Variants in PRDX6 observed in about 807,000 individuals in gnomAD.
PRDX6 encodes peroxiredoxin 6, also known as peroxiredoxin-6.
Under a neutral mutation model 20.0 loss-of-function variants are expected in PRDX6, and 13 were observed. The ratio of observed to expected loss-of-function variants is 0.65; its 90% CI spans 0.42 to 1.03. PRDX6 has a LOEUF of 1.03. Among genes scored for constraint, PRDX6 ranks in the 50% least tolerant of loss-of-function variants. PRDX6 has a pLI of 0.00. For synonymous variants in PRDX6, 85 were observed against 100.8 expected (o/e 0.84, Z 0.94); for missense variants, 203 against 276.9 (o/e 0.73, Z 1.89).
Position 173,488,095 on chromosome 1 carries a change from A to G in PRDX6, c.*232A>G, listed in dbSNP as rs1658931035. ...TCAGCACTCTGCTGGTTCTGTTTGA[A>G]ATATGTTCTGTATTTAAAACTCAAA... On this transcript the variant is annotated 3_prime_UTR_variant, in exon 5 of 5. Coordinates refer to ENST00000340385, the MANE Select transcript of PRDX6 (RefSeq NM_004905.3). 1 of 494,012 alleles carries G rather than the reference A, an allele frequency of 2.0e-6. No homozygotes were observed. 30.6% of individuals were successfully genotyped at this position (494,012 alleles called of 1,614,324 possible). A position where few individuals can be genotyped will look rare whatever the true frequency, so the allele number is the denominator to read the frequency against.
At chr1:173,481,651 GT>G in intron 2 of PRDX6, 169 bp downstream of exon 2, 1 of 687,120 alleles carries the variant, frequency 1.5e-6, no homozygotes, top group East Asian at 2.8e-5. Flanking sequence ...AAATCCATTG[GT>G]CAGTCAATTC....
intron 1 of PRDX6, among the ~76,000 whole-genome samples, chr1:173,479,942 G>A (rs577266356): frequency 6.6e-6 from 1 of 152,270 alleles, no homozygotes; most frequent in East Asian, 1.9e-4. Flanking sequence ...TCCTTTTAAC[G>A]ATAGAGGAGG....
In PRDX6 at chr1:173,477,351, C is replaced by A. The variant is rs1184134210; in HGVS notation, c.-47C>A. ...GGACAGGCTGCTTCTTCGCCAGAAC[C>A]AACCGGTTGCTTGCTGTCCCAGCGG... On this transcript the variant is annotated 5_prime_UTR_variant, in exon 1 of 5. Transcript: ENST00000340385. 1.3e-6 allele frequency: 2 copies of A among 1,495,782 alleles called. No individual in the cohort carries two copies. Among genetic ancestry groups the A allele is most frequent in the African/African-American group, 1.4e-5 (1 of 70,328 alleles). 92.7% of individuals were successfully genotyped at this position (1,495,782 alleles called of 1,614,324 possible).
At chr1:173,478,870 A>G (rs1267686370) in intron 1 of PRDX6, among the ~76,000 whole-genome samples, 1 of 152,220 alleles carries the variant, frequency 6.6e-6, no homozygotes, top group Non-Finnish European at 1.5e-5. Context: ...TAGGCCAGAA[A>G]AAGGTTGAGA....
chr1:173,484,181 C>CAA lies in PRDX6; in HGVS notation c.253-1179_253-1178insAA, dbSNP rs1220406068. ...ATATATATATATTTATATATATACA[C>CAA]ACACACACACATACATATATATACA... On this transcript the variant is annotated intron_variant, in intron 2 of 4. Coordinates refer to ENST00000340385, the MANE Select transcript of PRDX6 (RefSeq NM_004905.3). Among the ~76,000 whole-genome samples the CAA allele has an allele frequency of 7.6e-4, 105 of 138,676 alleles. 2 individuals are homozygous for CAA. Among genetic ancestry groups the CAA allele is most frequent in the African/African-American group, 2.8e-3 (102 of 36,826 alleles). 91.0% of individuals were successfully genotyped at this position (138,676 alleles called of 152,430 possible). A position where few individuals can be genotyped will look rare whatever the true frequency, so the allele number is the denominator to read the frequency against.
rs995782968 is a variant in PRDX6, at chr1:173,488,549, G to A, written c.*686G>A. ...ATTTGTGATAAGTTTCTATCAAAATGGGGAGATTGCAGAAAAGGCTTCCCT... is the reference window on the plus strand; with the variant it reads ...ATTTGTGATAAGTTTCTATCAAAATAGGGAGATTGCAGAAAAGGCTTCCCT... On this transcript the variant is annotated 3_prime_UTR_variant, in exon 5 of 5. Transcript: ENST00000340385. 6.6e-6 allele frequency: 1 copy of A among 152,190 alleles called. No individual in the cohort carries two copies. Among genetic ancestry groups the A allele is most frequent in the Non-Finnish European group, 1.5e-5 (1 of 68,034 alleles). 9.4% of individuals were successfully genotyped at this position (152,190 alleles called of 1,614,324 possible). A position where few individuals can be genotyped will look rare whatever the true frequency, so the allele number is the denominator to read the frequency against.
intron 1 of PRDX6, 101 bp downstream of exon 1, chr1:173,477,593 C>G: frequency 1.0e-6 from 1 of 971,348 alleles, no homozygotes; most frequent in South Asian, 1.5e-5. Context: ...CCGCTCAGCC[C>G]CCTGCGCCGC....
At chr1:173,478,481 C>G (rs189805724) in intron 1 of PRDX6, among the ~76,000 whole-genome samples, 103 of 152,166 alleles carry the variant, frequency 6.8e-4, no homozygotes, top group Middle Eastern at 6.8e-3. Flanking sequence ...GGCAGTTTTA[C>G]CATTATGGAT....
At chr1:173,485,716 A>C (rs899651262) in intron 3 of PRDX6, among the ~76,000 whole-genome samples, 2 of 151,642 alleles carry the variant, frequency 1.3e-5, no homozygotes, top group Middle Eastern at 3.2e-3. Flanking sequence ...GGAAATCTAC[A>C]AAAAAAAAGT....
intron 1 of PRDX6, among the ~76,000 whole-genome samples, chr1:173,478,108 A>G (rs1464532632): frequency 6.6e-6 from 1 of 152,234 alleles, no homozygotes; most frequent in Non-Finnish European, 1.5e-5. Context: ...AAAATGTGAA[A>G]TTTAAAACCA....
At chr1:173,481,664 C>T (rs112950219) in intron 2 of PRDX6, 182 bp downstream of exon 2, 10,248 of 629,392 alleles carry the variant, frequency 0.016, 151 homozygotes, top group South Asian at 0.033. Flanking sequence ...AGTCAATTCT[C>T]AGCCCTCCTC....
chr1:173,477,602 G>T (rs1045432702), intron 1 of PRDX6, 110 bp downstream of exon 1: 8 of 900,426 alleles, frequency 8.9e-6, no homozygotes, highest in Non-Finnish European at 1.2e-5. Flanking sequence ...CCCCTGCGCC[G>T]CCCTCGCCTT....
chr1:173,485,639 C>T (rs972039383), intron 3 of PRDX6, 132 bp downstream of exon 3: 11 of 833,058 alleles, frequency 1.3e-5, no homozygotes, highest in Non-Finnish European at 1.9e-5. Flanking sequence ...GCGACAATAT[C>T]ACTGATTATC....
At chr1:173,477,520 T>A (rs769772882) in intron 1 of PRDX6, 28 bp downstream of exon 1, 8 of 1,560,136 alleles carry the variant, frequency 5.1e-6, no homozygotes, top group Non-Finnish European at 6.1e-6. Flanking sequence ...AGCCCTGTCC[T>A]GGCCTCGGTT....
intron 2 of PRDX6, among the ~76,000 whole-genome samples, chr1:173,482,874 T>C (rs572463054): frequency 1.3e-5 from 2 of 152,366 alleles, no homozygotes; most frequent in African/African-American, 4.8e-5. Context: ...TTTTTCATTT[T>C]CGTTTTTGCA....
Position 173,488,036 on chromosome 1 carries a change from C to A in PRDX6, c.*173C>A, listed in dbSNP as rs1198068391. ...TAAAAGTTTCTTGAGATTCTTTATA[C>A]TCTCTGCCTTCAGCAATCAATTCCA... On this transcript the variant is annotated 3_prime_UTR_variant, in exon 5 of 5. Coordinates refer to ENST00000340385, the MANE Select transcript of PRDX6 (RefSeq NM_004905.3). 1.2e-5 allele frequency: 8 copies of A among 681,576 alleles called. No individual in the cohort carries two copies. Among genetic ancestry groups the A allele is most frequent in the Admixed American group, 3.0e-5 (1 of 33,598 alleles). The allele number at this position is 681,576 out of a possible 1,614,324, so 42.2% of individuals were successfully genotyped here. A position where few individuals can be genotyped will look rare whatever the true frequency, so the allele number is the denominator to read the frequency against.
chr1:173,477,674 G>T (rs1327969793), intron 1 of PRDX6, among the ~76,000 whole-genome samples, 182 bp downstream of exon 1: 5 of 152,222 alleles, frequency 3.3e-5, no homozygotes, highest in Non-Finnish European at 5.9e-5. Context: ...CGGCTGCGCT[G>T]CTGGGAGCTG....
chr1:173,477,412 G>C lies in PRDX6; in HGVS notation c.15G>C (p.Leu5=). The C allele has an allele frequency of 6.2e-7, 1 of 1,608,706 alleles. No individual in the cohort carries two copies. Among genetic ancestry groups the C allele is most frequent in the Non-Finnish European group, 8.5e-7 (1 of 1,177,860 alleles). The change falls in exon 1 of 5, where the codon CTG becomes CTC. Residue 5 remains leucine, a synonymous_variant. Coordinates refer to ENST00000340385, the MANE Select transcript of PRDX6 (RefSeq NM_004905.3). ...TCACCGTCGCCATGCCCGGAGGTCTGCTTCTCGGGGACGTGGCTCCCAACT... is the reference window on the plus strand; with the variant it reads ...TCACCGTCGCCATGCCCGGAGGTCTCCTTCTCGGGGACGTGGCTCCCAACT... MPGG[L]LLGDVAPNFE...
intron 3 of PRDX6, 60 bp from the exon 4 acceptor site, chr1:173,486,195 T>A: frequency 1.4e-6 from 2 of 1,429,458 alleles, no homozygotes; most frequent in Non-Finnish European, 1.9e-6. Context: ...CAGAGCTTTC[T>A]AAGTGGCTTT....
Sources: gnomAD v4.1 joint callset for allele counts (sites outside exome capture counted in the v4.1 genomes callset) on GRCh38, gnomAD v4.1.1 for gene constraint, MANE v1.5 for transcripts, NCBI Gene and HGNC (gene_info 2026-07-23, HGNC 2026-07-21) for gene names.